MTUS1: variants seen among roughly 807,000 people sequenced by gnomAD.
MTUS1 encodes the protein microtubule-associated tumor suppressor 1.
MTUS1 carries 109 observed loss-of-function variants against 120.8 expected under a neutral mutation model. The ratio of observed to expected loss-of-function variants is 0.90; its 90% CI spans 0.77 to 1.06. MTUS1 has a LOEUF of 1.06. Ranked by LOEUF, MTUS1 falls within the 50% of genes least tolerant of loss-of-function variation. The pLI is 0.00. For synonymous variants in MTUS1, 737 were observed against 550.5 expected (o/e 1.34, Z -4.74); for missense variants, 2,210 against 1,486.3 (o/e 1.49, Z -8.01).
chr8:17,649,143 C>G (rs1285458770), intron 13 of MTUS1, among the ~76,000 whole-genome samples: 1 of 151,912 alleles, frequency 6.6e-6, no homozygotes, highest in Non-Finnish European at 1.5e-5. Flanking sequence ...GGCTGGAATG[C>G]ACTGGTGCCA....
chr8:17,761,753 T>C (rs28667133), intron 1 of MTUS1, among the ~76,000 whole-genome samples: 8,385 of 152,282 alleles, frequency 0.055, 418 homozygotes, highest in African/African-American at 0.14. Flanking sequence ...TATGTTAATA[T>C]ATGGCACGCC....
At chr8:17,724,523 C>A (rs548611577) in intron 3 of MTUS1, among the ~76,000 whole-genome samples, 1 of 151,126 alleles carries the variant, frequency 6.6e-6, no homozygotes, top group South Asian at 2.1e-4. Flanking sequence ...CTTCTTTACT[C>A]CCCACACAGT....
intron 8 of MTUS1, among the ~76,000 whole-genome samples, chr8:17,669,198 G>T (rs983058607): frequency 1.3e-5 from 2 of 152,176 alleles, no homozygotes; most frequent in African/African-American, 4.8e-5. Context: ...ACACTAGAAG[G>T]CACAGTTAAC....
intron 8 of MTUS1, among the ~76,000 whole-genome samples, chr8:17,671,237 C>G (rs1585563206): frequency 6.6e-6 from 1 of 150,972 alleles, no homozygotes; most frequent in Non-Finnish European, 1.5e-5. Flanking sequence ...CGGCTGTTTT[C>G]TTTTCACTTA....
chr8:17,708,750 C>G (rs759278584), intron 6 of MTUS1: 30 of 152,220 alleles, frequency 2.0e-4, no homozygotes, highest in Non-Finnish European at 1.5e-4. Context: ...CTTTAGTAAC[C>G]ACATATATTC....
At chr8:17,720,422 C>A (rs1174020031) in intron 4 of MTUS1, among the ~76,000 whole-genome samples, 1 of 152,056 alleles carries the variant, frequency 6.6e-6, no homozygotes, top group East Asian at 1.9e-4. Flanking sequence ...TGTTACACCC[C>A]ACTCAGCCAG....
chr8:17,754,411 T>C lies in MTUS1; in HGVS notation c.1397A>G (p.Asp466Gly). 1 of 1,614,070 alleles carries C rather than the reference T, an allele frequency of 6.2e-7. No homozygotes were observed. Among genetic ancestry groups the C allele is most frequent in the Middle Eastern group, 1.6e-4 (1 of 6,062 alleles). Residue 466 changes from aspartate to glycine, a missense_variant, in exon 2 of 15, where the codon GAC becomes GGC. Transcript: ENST00000693296. ...CAGGTTCACAGGTGCCTCCTTCGAG[T>C]CTGGTATGTTTTTAAGCCCTCGATT... ...KGNRGLKNIP[D>G]SKEAPVNLCK... is the part of the protein sequence containing the mutation.
intron 6 of MTUS1, among the ~76,000 whole-genome samples, chr8:17,700,691 T>A (rs1345308669): frequency 1.9e-5 from 2 of 103,430 alleles, no homozygotes; most frequent in Non-Finnish European, 4.3e-5. Flanking sequence ...ATTTTCCTAA[T>A]TTTTTTTTTC....
chr8:17,794,184 C>T (rs979287513), intron 1 of MTUS1, among the ~76,000 whole-genome samples: 3 of 151,910 alleles, frequency 2.0e-5, no homozygotes, highest in Non-Finnish European at 2.9e-5. Flanking sequence ...AAAATGAAGA[C>T]GGGCGTGGTG....
At chr8:17,795,112 A>T (rs2052115549) in intron 1 of MTUS1, among the ~76,000 whole-genome samples, 1 of 152,208 alleles carries the variant, frequency 6.6e-6, no homozygotes, top group Non-Finnish European at 1.5e-5. Context: ...ATAACACCTG[A>T]GTTAAATATT....
At chr8:17,745,010 T>C (rs2047636299) in intron 2 of MTUS1, among the ~76,000 whole-genome samples, 1 of 152,220 alleles carries the variant, frequency 6.6e-6, no homozygotes. Flanking sequence ...CCCAAACACC[T>C]AGGCACATGT....
At chr8:17,761,518 T>C (rs2049036060) in intron 1 of MTUS1, among the ~76,000 whole-genome samples, 1 of 152,190 alleles carries the variant, frequency 6.6e-6, no homozygotes, top group Middle Eastern at 3.2e-3. Context: ...GCTGTGTGCC[T>C]TATTTCACCA....
chr8:17,706,334 T>C (rs898737886), intron 6 of MTUS1: 1 of 152,142 alleles, frequency 6.6e-6, no homozygotes, highest in Non-Finnish European at 1.5e-5. Context: ...GCTTAGCAAC[T>C]AGCCCAAGGT....
At chr8:17,725,219 C>G (rs970662693) in intron 3 of MTUS1, among the ~76,000 whole-genome samples, 15 of 152,118 alleles carry the variant, frequency 9.9e-5, no homozygotes, top group African/African-American at 3.6e-4. Flanking sequence ...GACATTGTTG[C>G]GTATCACTAA....
At chr8:17,739,045 A>C (rs1348645564) in intron 3 of MTUS1, among the ~76,000 whole-genome samples, 1 of 152,078 alleles carries the variant, frequency 6.6e-6, no homozygotes, top group Non-Finnish European at 1.5e-5. Flanking sequence ...TGGGACGCTG[A>C]GACAGGAGGA....
chr8:17,735,367 C>A (rs903787036), intron 3 of MTUS1, among the ~76,000 whole-genome samples: 1 of 152,192 alleles, frequency 6.6e-6, no homozygotes, highest in Admixed American at 6.5e-5. Flanking sequence ...GACACTCTGT[C>A]TCCTAATTAT....
chr8:17,780,104 C>A (rs1305527296), intron 1 of MTUS1, among the ~76,000 whole-genome samples: 3 of 152,062 alleles, frequency 2.0e-5, no homozygotes, highest in African/African-American at 7.2e-5. Context: ...AAGAGGGAGT[C>A]AGTTCTTGCA....
chr8:17,761,775 A>G lies in MTUS1; in HGVS notation c.-154-5814T>C, dbSNP rs139764908. Among the ~76,000 whole-genome samples, 209 of 152,354 alleles carry G rather than the reference A, an allele frequency of 1.4e-3. 1 individual carries two copies. The highest frequency in any genetic ancestry group is 4.6e-3 in the African/African-American group (190 of 41,582). On this transcript the variant is annotated intron_variant, in intron 1 of 14. Coordinates refer to ENST00000693296, the MANE Select transcript of MTUS1 (RefSeq NM_001363059.2). Reference sequence around the variant, plus strand: ...ATATATGGCACGCCAGTCCTTTAAGATGTGAATACAAATACAGTTATAATT... The same window carrying G: ...ATATATGGCACGCCAGTCCTTTAAGGTGTGAATACAAATACAGTTATAATT...
chr8:17,731,814 C>A (rs140570637), intron 3 of MTUS1, among the ~76,000 whole-genome samples: 1 of 152,194 alleles, frequency 6.6e-6, no homozygotes, highest in Non-Finnish European at 1.5e-5. Flanking sequence ...TATTATTATT[C>A]TTTTATTTAA....
Sources: allele counts gnomAD v4.1 joint callset (sites outside exome capture counted in the v4.1 genomes callset), GRCh38; gene constraint gnomAD v4.1.1; transcripts MANE v1.5; gene names NCBI Gene and HGNC (gene_info 2026-07-23, HGNC 2026-07-21).